KIAA1549L: variants seen among roughly 807,000 people sequenced by gnomAD.
KIAA1549L encodes UPF0606 protein KIAA1549L.
A neutral mutation model predicts 160.7 loss-of-function variants in KIAA1549L; 88 were observed. The observed-to-expected ratio is 0.55, with a 90% CI of 0.46 to 0.65. KIAA1549L has a LOEUF of 0.65. Ranked by LOEUF, KIAA1549L falls within the 30% of genes least tolerant of loss-of-function variation. KIAA1549L has a pLI of 0.00. For missense variants in KIAA1549L, 2,258 were observed against 2,437.5 expected, an observed-to-expected ratio of 0.93 and a Z score of 1.55; for synonymous variants, 950 against 976.7, an observed-to-expected ratio of 0.97 and a Z score of 0.51.
chr11:33,578,798 C>T (rs1855541848), intron 10 of KIAA1549L, among the ~76,000 whole-genome samples: 2 of 152,224 alleles, frequency 1.3e-5, no homozygotes, highest in African/African-American at 2.4e-5. Flanking sequence ...GCCTGAGGCA[C>T]AGCCCTCTGT....
intron 16 of KIAA1549L, among the ~76,000 whole-genome samples, 175 bp from the exon 17 acceptor site, chr11:33,645,511 A>C (rs1851692647): frequency 6.6e-6 from 1 of 152,164 alleles, no homozygotes. Context: ...TTCCTGATAG[A>C]GTGCTGGCTG....
rs970801733 is a variant in KIAA1549L at position 33,583,979 on chromosome 11, C to G, written c.4566+478C>G. Among the ~76,000 whole-genome samples, 4 of 152,126 alleles carry G rather than the reference C, an allele frequency of 2.6e-5. No individual in the cohort carries two copies. The East Asian group carries it at 5.8e-4, about 22-fold the overall frequency. On this transcript the variant is annotated intron_variant, in intron 11 of 20. Transcript: ENST00000658780. Reference sequence around the variant, plus strand: ...GATTTATATGTTGAAATTCTGACCCCCAATATGATGGTATTAGGAGATAGG... The same window carrying G: ...GATTTATATGTTGAAATTCTGACCCGCAATATGATGGTATTAGGAGATAGG...
chr11:33,397,669 G>T (rs1435410329), intron 1 of KIAA1549L, among the ~76,000 whole-genome samples: 3 of 151,066 alleles, frequency 2.0e-5, no homozygotes, highest in Non-Finnish European at 4.4e-5. Context: ...CCAAGATCGC[G>T]CCACTGCACT....
chr11:33,545,099 T>C lies in KIAA1549L; in HGVS notation c.3106T>C (p.Leu1036=), dbSNP rs758848323. ...QGNMDTASGL[L]STTYLPRKPQ... is the part of the protein sequence containing the mutation. The stretch of plus-strand genomic sequence containing the variant: ...AAACATGGACACTGCCTCTGGCCTG[T>C]TGTCTACAACTTACCTCCCCAGGAA... The change falls in exon 3 of 21, where the codon TTG becomes CTG. Residue 1036 remains leucine (L), a synonymous_variant. Coordinates refer to ENST00000658780, the MANE Select transcript of KIAA1549L (RefSeq NM_012194.3). The C allele has an allele frequency of 6.2e-7, 1 of 1,613,866 alleles. No individual in the cohort carries two copies. The highest frequency in any genetic ancestry group is 2.2e-5 in the East Asian group (1 of 44,902).
intron 1 of KIAA1549L, among the ~76,000 whole-genome samples, chr11:33,527,228 A>G (rs1283183432): frequency 6.6e-6 from 1 of 152,228 alleles, no homozygotes; most frequent in East Asian, 1.9e-4. Flanking sequence ...AGTTTGGAAA[A>G]CTTATTTGAG....
chr11:33,412,217 ATTTCTT>A (rs1195514758), intron 1 of KIAA1549L, among the ~76,000 whole-genome samples: 1 of 152,178 alleles, frequency 6.6e-6, no homozygotes, highest in Non-Finnish European at 1.5e-5. Context: ...CTAATGCTCT[ATTTCTT>A]ACATGAATAT....
At chr11:33,477,032 C>G (rs1297240082) in intron 1 of KIAA1549L, among the ~76,000 whole-genome samples, 2 of 152,164 alleles carry the variant, frequency 1.3e-5, no homozygotes, top group African/African-American at 4.8e-5. Flanking sequence ...AAACTGGAGC[C>G]TAGAGGGCTG....
At chr11:33,399,442 T>A (rs1164763158) in intron 1 of KIAA1549L, among the ~76,000 whole-genome samples, 1 of 152,234 alleles carries the variant, frequency 6.6e-6, no homozygotes, top group Non-Finnish European at 1.5e-5. Context: ...ATATGCAGTT[T>A]TTATCCTCTG....
intron 15 of KIAA1549L, 129 bp from the exon 16 acceptor site, chr11:33,618,404 A>T (rs777288605): frequency 5.3e-6 from 4 of 752,346 alleles, no homozygotes; most frequent in Non-Finnish European, 8.1e-6. Context: ...CCTGGGAATA[A>T]ATGCCATCAA....
chr11:33,568,597 C>T (rs1238083997), intron 9 of KIAA1549L, among the ~76,000 whole-genome samples: 2 of 152,210 alleles, frequency 1.3e-5, no homozygotes, highest in South Asian at 2.1e-4. Context: ...TCCTTTTAGA[C>T]CCTCTCACCT....
intron 18 of KIAA1549L, among the ~76,000 whole-genome samples, chr11:33,658,182 C>T (rs189386976): frequency 1.2e-4 from 19 of 152,194 alleles, no homozygotes; most frequent in East Asian, 7.7e-4. Flanking sequence ...TCTGATTGCC[C>T]GGGGAACAAA....
At chr11:33,498,219 C>T (rs1852864369) in intron 1 of KIAA1549L, among the ~76,000 whole-genome samples, 1 of 152,214 alleles carries the variant, frequency 6.6e-6, no homozygotes, top group African/African-American at 2.4e-5. Flanking sequence ...TGCTTGAGCC[C>T]AGAAGGTCGA....
chr11:33,411,115 C>G (rs1019785104), intron 1 of KIAA1549L, among the ~76,000 whole-genome samples: 4 of 152,092 alleles, frequency 2.6e-5, no homozygotes, highest in Non-Finnish European at 5.9e-5. Flanking sequence ...ACCAGGTGTT[C>G]CCAAATGCTG....
chr11:33,522,628 A>G (rs190710685), intron 1 of KIAA1549L, among the ~76,000 whole-genome samples: 1 of 152,260 alleles, frequency 6.6e-6, no homozygotes, highest in East Asian at 1.9e-4. Context: ...TATAATAATA[A>G]TTTATGCCTG....
chr11:33,456,654 C>T (rs566057355), intron 1 of KIAA1549L, among the ~76,000 whole-genome samples: 2 of 152,318 alleles, frequency 1.3e-5, no homozygotes, highest in Non-Finnish European at 2.9e-5. Context: ...TCAAGCTATC[C>T]TCCTGCCCAC....
At chr11:33,393,607 G>A (rs150673061) in intron 1 of KIAA1549L, among the ~76,000 whole-genome samples, 7 of 152,326 alleles carry the variant, frequency 4.6e-5, no homozygotes, top group African/African-American at 1.4e-4. Flanking sequence ...GAGAAAGAGG[G>A]AGGAAGATAC....
At chr11:33,435,816 G>GTGTGTGTATATATATATATATATATA (rs1554976827) in intron 1 of KIAA1549L, among the ~76,000 whole-genome samples, 1 of 39,566 alleles carries the variant, frequency 2.5e-5, no homozygotes, top group African/African-American at 1.6e-4. Flanking sequence ...ATATATGTGT[G>GTGTGTGTATATATATATATATATATA]TGTATATATA....
intron 1 of KIAA1549L, among the ~76,000 whole-genome samples, chr11:33,399,017 A>G (rs543362067): frequency 1.3e-5 from 2 of 150,996 alleles, no homozygotes; most frequent in Non-Finnish European, 1.5e-5. Context: ...CAGTGGCACA[A>G]TCTCTGCTCA....
intron 20 of KIAA1549L, 96 bp from the exon 21 acceptor site, chr11:33,667,777 C>G: frequency 9.4e-7 from 1 of 1,060,038 alleles, no homozygotes; most frequent in Non-Finnish European, 1.4e-6. Flanking sequence ...CTTCCATGTC[C>G]TCAGCCCCCT....
Sources: allele counts gnomAD v4.1 joint callset (sites outside exome capture counted in the v4.1 genomes callset), GRCh38; gene constraint gnomAD v4.1.1; transcripts MANE v1.5; gene names NCBI Gene and HGNC (gene_info 2026-07-23, HGNC 2026-07-21).